Variants in TP63 observed in about 807,000 individuals in gnomAD.
The protein encoded by TP63 is tumor protein p63, also known as tumor protein 63.
A neutral mutation model predicts 82.8 loss-of-function variants in TP63; 17 were observed. The ratio of observed to expected loss-of-function variants is 0.21; its 90% CI spans 0.14 to 0.31. TP63 has a LOEUF of 0.31. TP63 is among the 10% of genes least tolerant of loss of function. The pLI, the probability that TP63 is intolerant of heterozygous loss-of-function variation, is 1.00. For missense variants in TP63, 648 were observed against 895.3 expected (o/e 0.72, Z 3.52); for synonymous variants, 330 against 321.7 (o/e 1.03, Z -0.28).
At chr3:189,687,687 G>C (rs1716560569) in intron 1 of TP63, among the ~76,000 whole-genome samples, 1 of 152,156 alleles carries the variant, frequency 6.6e-6, no homozygotes. Context: ...ATGGGCGACT[G>C]GACAATGTGC....
intron 1 of TP63, among the ~76,000 whole-genome samples, chr3:189,690,424 C>A (rs1385273207): frequency 6.6e-6 from 1 of 152,202 alleles, no homozygotes; most frequent in African/African-American, 2.4e-5. Flanking sequence ...TTATCTGAAA[C>A]TTGAGCTGGT....
chr3:189,861,606 C>A, intron 4 of TP63, among the ~76,000 whole-genome samples: 1 of 152,154 alleles, frequency 6.6e-6, no homozygotes, highest in East Asian at 1.9e-4. Context: ...TCAACTCTAT[C>A]ACTTGCTGCC....
In TP63 at chr3:189,872,962, A is replaced by G. The variant is rs1292967051; in HGVS notation, c.1316A>G (p.Gln439Arg). 1 of 1,614,072 alleles carries G rather than the reference A, an allele frequency of 6.2e-7. No homozygotes were observed. The highest frequency in any genetic ancestry group is 1.3e-5 in the African/African-American group (1 of 74,932). Residue 439 changes from glutamine (Q) to arginine (R), a missense_variant, in exon 10 of 14, where the codon CAA becomes CGA. This residue lies in a region of TP63 where 342 missense variants were observed against 425.7 expected (regional missense o/e 0.80). Transcript: ENST00000264731. Reference protein sequence around the residue: ...QHTIETYRQQQQQQHQHLLQK... With the variant: ...QHTIETYRQQRQQQHQHLLQK... Reference sequence around the variant, plus strand: ...ACAATTGAAACGTACAGGCAACAGCAACAGCAGCAGCACCAGCACTTACTT... The same window carrying G: ...ACAATTGAAACGTACAGGCAACAGCGACAGCAGCAGCACCAGCACTTACTT...
intron 3 of TP63, among the ~76,000 whole-genome samples, chr3:189,803,163 T>C (rs188872534): frequency 0.016 from 2,401 of 152,234 alleles, 29 homozygotes; most frequent in Non-Finnish European, 0.024. Context: ...CCGGGCATGG[T>C]GGCACCTGCC....
the TP63 span, among the ~76,000 whole-genome samples, chr3:189,620,986 G>T: frequency 1.3e-5 from 2 of 152,244 alleles, no homozygotes; most frequent in Non-Finnish European, 2.9e-5. Context: ...ACCTTTGAAA[G>T]AAAATGGCTT....
At chr3:189,630,825 A>C (rs1729426349), upstream of TP63, among the ~76,000 whole-genome samples, 1 of 148,478 alleles carries the variant, frequency 6.7e-6, no homozygotes, top group South Asian at 2.3e-4. Flanking sequence ...GTGAGTTCTA[A>C]GTTAAATATA....
At chr3:189,629,388 TAATA>T (rs553321841), upstream of TP63, among the ~76,000 whole-genome samples, 10 of 152,110 alleles carry the variant, frequency 6.6e-5, no homozygotes, top group East Asian at 1.7e-3. Flanking sequence ...GTCTCAAAAA[TAATA>T]AATAAATAAA....
Position 189,894,612 on chromosome 3 carries a change from G to T in TP63, c.*110G>T. The T allele has an allele frequency of 7.5e-7, 1 of 1,333,234 alleles. No homozygotes were observed. Among genetic ancestry groups the T allele is most frequent in the Non-Finnish European group, 1.0e-6 (1 of 965,836 alleles). The allele number at this position is 1,333,234 out of a possible 1,614,324, so 82.6% of individuals were successfully genotyped here. ...CTAGCTCCTCCCCTTCCTCTTGTCT[G>T]ATTTCTTAGGGGAAGGAGAAGTAAG... On this transcript the variant is annotated 3_prime_UTR_variant, in exon 14 of 14. Coordinates refer to ENST00000264731, the MANE Select transcript of TP63 (RefSeq NM_003722.5).
Position 189,765,433 on chromosome 3 carries a change from CTT to C in TP63, c.324+26679_324+26680del, listed in dbSNP as rs576530590. Reference sequence around the variant, plus strand: ...GGCTTTGTAAATATCCTGTCCTCTGCTTTTTTTTTTTTTTTTTTTTTGAGACA... The same window carrying C: ...GGCTTTGTAAATATCCTGTCCTCTGCTTTTTTTTTTTTTTTTTTTGAGACA... On this transcript the variant is annotated intron_variant, in intron 3 of 13. Coordinates refer to ENST00000264731, the MANE Select transcript of TP63 (RefSeq NM_003722.5). 8.5e-3 allele frequency among the ~76,000 whole-genome samples: 255 copies of C among 30,078 alleles called. 9 individuals are homozygous for C. The highest frequency in any genetic ancestry group is 0.03 in the African/African-American group (245 of 8,054). 19.7% of individuals were successfully genotyped at this position (30,078 alleles called of 152,430 possible).
chr3:189,856,388 G>A (rs923582123), intron 4 of TP63, among the ~76,000 whole-genome samples: 9 of 151,944 alleles, frequency 5.9e-5, no homozygotes, highest in African/African-American at 2.2e-4. Flanking sequence ...TGTGGACATA[G>A]CTAAGAAGTA....
At chr3:189,627,738 G>A (rs190403095), upstream of TP63, among the ~76,000 whole-genome samples, 546 of 152,120 alleles carry the variant, frequency 3.6e-3, 1 homozygote, top group African/African-American at 0.011. Flanking sequence ...AGGGGTGAGG[G>A]GAGATCGATT....
chr3:189,882,081 A>G (rs1292640750), intron 10 of TP63, among the ~76,000 whole-genome samples: 1 of 152,070 alleles, frequency 6.6e-6, no homozygotes, highest in Non-Finnish European at 1.5e-5. Context: ...TATTTGAGAT[A>G]AAAGTATATT....
chr3:189,879,641 T>C (rs1007268446), intron 10 of TP63, among the ~76,000 whole-genome samples: 5 of 152,280 alleles, frequency 3.3e-5, no homozygotes, highest in African/African-American at 1.2e-4. Flanking sequence ...TTCATTCCTT[T>C]TTTTTAATTG....
chr3:189,689,106 T>TTTTTTTG (rs1716700632), intron 1 of TP63, among the ~76,000 whole-genome samples: 1 of 30,860 alleles, frequency 3.2e-5, no homozygotes, highest in Non-Finnish European at 5.4e-5. Context: ...ACCTTTTTCT[T>TTTTTTTG]TTTTTTTTTT....
chr3:189,889,040 G>A (rs1227922881), intron 11 of TP63, among the ~76,000 whole-genome samples: 1 of 152,266 alleles, frequency 6.6e-6, no homozygotes, highest in East Asian at 1.9e-4. Flanking sequence ...GCAAATACAA[G>A]GAAGAATATG....
chr3:189,820,250 C>T (rs901825411), intron 4 of TP63, among the ~76,000 whole-genome samples: 1 of 152,162 alleles, frequency 6.6e-6, no homozygotes, highest in Non-Finnish European at 1.5e-5. Flanking sequence ...CTCACTCAGC[C>T]TCAGAACCAC....
chr3:189,843,545 A>T (rs1401470564), intron 4 of TP63, among the ~76,000 whole-genome samples: 1 of 152,192 alleles, frequency 6.6e-6, no homozygotes, highest in Non-Finnish European at 1.5e-5. Context: ...CGGCTGTGGC[A>T]GGAAGGGAGG....
chr3:189,737,268 A>G (rs59550776), intron 1 of TP63, among the ~76,000 whole-genome samples: 1 of 151,108 alleles, frequency 6.6e-6, no homozygotes. Context: ...TAATCTGAGG[A>G]AAAAATTTAA....
intron 1 of TP63, among the ~76,000 whole-genome samples, chr3:189,682,486 T>A (rs1716003458): frequency 6.9e-6 from 1 of 144,754 alleles, no homozygotes; most frequent in African/African-American, 2.6e-5. Context: ...GCCTCAAGAA[T>A]GCTGATTGTT....
Sources: allele counts gnomAD v4.1 joint callset (sites outside exome capture counted in the v4.1 genomes callset), GRCh38; gene constraint gnomAD v4.1.1; regional missense constraint gnomAD v4.1.1; transcripts MANE v1.5; gene names NCBI Gene and HGNC (gene_info 2026-07-23, HGNC 2026-07-21).